The following ACCSL variants were observed in gnomAD, a reference collection of about 807,000 sequenced individuals.
ACCSL encodes probable inactive 1-aminocyclopropane-1-carboxylate synthase-like protein 2.
ACCSL carries 55 observed loss-of-function variants against 61.7 expected under a neutral mutation model. The ratio of observed to expected loss-of-function variants is 0.89; its 90% CI spans 0.72 to 1.12. The LOEUF is 1.12. Among genes scored for constraint, ACCSL ranks in the 50% most tolerant of loss-of-function variants. ACCSL has a pLI of 0.00. For synonymous variants in ACCSL, 258 were observed against 264.3 expected (o/e 0.98, Z 0.23); for missense variants, 632 against 698.0 (o/e 0.91, Z 1.07).
At chr11:44,014,233 T>C in the ACCSL span, among the ~76,000 whole-genome samples, 1 of 152,194 alleles carries the variant, frequency 6.6e-6, no homozygotes, top group Non-Finnish European at 1.5e-5. Context: ...CAAGAGTGGC[T>C]GAGCTGCTGA....
the ACCSL span, among the ~76,000 whole-genome samples, chr11:44,007,273 A>G: frequency 6.6e-6 from 1 of 152,086 alleles, no homozygotes. Context: ...ACTGAATTTT[A>G]TTTGAAATCA....
the ACCSL span, among the ~76,000 whole-genome samples, chr11:44,042,024 A>T: frequency 6.6e-6 from 1 of 152,226 alleles, no homozygotes; most frequent in African/African-American, 2.4e-5. Context: ...TTACATTCTC[A>T]TATAACCCCA....
the ACCSL span, among the ~76,000 whole-genome samples, chr11:43,923,014 A>G: frequency 6.6e-6 from 1 of 152,224 alleles, no homozygotes; most frequent in Non-Finnish European, 1.5e-5. Flanking sequence ...ACAATTCCTG[A>G]TAAGTTTGAG....
the ACCSL span, among the ~76,000 whole-genome samples, chr11:44,013,401 T>C: frequency 6.6e-6 from 1 of 151,974 alleles, no homozygotes; most frequent in African/African-American, 2.4e-5. Flanking sequence ...TGCCTCAGAC[T>C]CCCAAGTAGC....
At chr11:44,030,057 ATTTTTTTTTT>A in the ACCSL span, among the ~76,000 whole-genome samples, 14 of 4,454 alleles carry the variant, frequency 3.1e-3, 1 homozygote, top group South Asian at 6.8e-3. Flanking sequence ...TCTTTGGTTG[ATTTTTTTTTT>A]TTTTTTTTTT....
chr11:43,924,331 C>T, the ACCSL span, among the ~76,000 whole-genome samples: 1 of 152,250 alleles, frequency 6.6e-6, no homozygotes, highest in African/African-American at 2.4e-5. Flanking sequence ...TCCCGTCCCC[C>T]AGCCCTGGCC....
At chr11:43,995,292 A>C in the ACCSL span, 1 of 152,186 alleles carries the variant, frequency 6.6e-6, no homozygotes, top group African/African-American at 2.4e-5. Context: ...ATCCCAACCC[A>C]AGACTCTGAC....
chr11:43,975,864 G>A, the ACCSL span, among the ~76,000 whole-genome samples: 1 of 152,178 alleles, frequency 6.6e-6, no homozygotes, highest in Non-Finnish European at 1.5e-5. Context: ...TTCTTGACAG[G>A]AGTAAGACCG....
chr11:43,955,630 T>C, the ACCSL span, among the ~76,000 whole-genome samples: 339 of 152,202 alleles, frequency 2.2e-3, 1 homozygote, highest in African/African-American at 7.9e-3. Flanking sequence ...TCAGTGGGTC[T>C]GGGTGAAGGT....
At chr11:44,010,966 C>G in the ACCSL span, among the ~76,000 whole-genome samples, 1 of 152,134 alleles carries the variant, frequency 6.6e-6, no homozygotes, top group Non-Finnish European at 1.5e-5. Flanking sequence ...GATGGAAAAG[C>G]TGGGACATAA....
intron 1 of ACCSL, among the ~76,000 whole-genome samples, chr11:44,049,088 A>G (rs772435276): frequency 3.3e-5 from 5 of 152,146 alleles, no homozygotes; most frequent in Admixed American, 6.5e-5. Context: ...GTGCTGTGGC[A>G]GGAGGTGTGA....
the ACCSL span, among the ~76,000 whole-genome samples, chr11:44,003,335 TA>T: frequency 6.6e-6 from 1 of 152,158 alleles, no homozygotes; most frequent in East Asian, 1.9e-4. Flanking sequence ...TAACTATTTT[TA>T]AATGTACAGT....
the ACCSL span, among the ~76,000 whole-genome samples, chr11:44,028,594 C>T: frequency 3.3e-5 from 5 of 152,152 alleles, no homozygotes; most frequent in Non-Finnish European, 7.3e-5. Context: ...GTCATCCCTG[C>T]GTCACCTTCA....
At chr11:44,005,465 T>C in the ACCSL span, among the ~76,000 whole-genome samples, 2 of 152,118 alleles carry the variant, frequency 1.3e-5, no homozygotes, top group African/African-American at 2.4e-5. Flanking sequence ...AGCTTTGTTT[T>C]GCTCCTCGAC....
the ACCSL span, among the ~76,000 whole-genome samples, chr11:43,932,341 C>T: frequency 6.6e-6 from 1 of 152,108 alleles, no homozygotes. Flanking sequence ...AGTCTCAGCT[C>T]ACTGCACCCT....
chr11:43,985,625 C>T, the ACCSL span, among the ~76,000 whole-genome samples: 1 of 152,220 alleles, frequency 6.6e-6, no homozygotes, highest in Non-Finnish European at 1.5e-5. Context: ...TCAGTCTCTG[C>T]CCTTGAGGGG....
At chr11:43,938,204 TG>T in the ACCSL span, among the ~76,000 whole-genome samples, 1,950 of 152,250 alleles carry the variant, frequency 0.013, 33 homozygotes, top group African/African-American at 0.044. Flanking sequence ...GGAGGTTCTC[TG>T]GGGGGGTGAC....
intron 8 of ACCSL, among the ~76,000 whole-genome samples, 173 bp downstream of exon 8, chr11:44,053,679 G>A (rs981502297): frequency 2.0e-5 from 3 of 152,054 alleles, no homozygotes; most frequent in African/African-American, 7.2e-5. Context: ...ATGGCCAACA[G>A]GGTGAAACCT....
the ACCSL span, among the ~76,000 whole-genome samples, chr11:43,998,495 GC>G: frequency 2.0e-5 from 3 of 152,180 alleles, no homozygotes; most frequent in Non-Finnish European, 4.4e-5. Context: ...TGAGGTCTTA[GC>G]CTTGAGGGGC....
Sources: gnomAD v4.1 joint callset for allele counts (sites outside exome capture counted in the v4.1 genomes callset) on GRCh38, gnomAD v4.1.1 for gene constraint, MANE v1.5 for transcripts, NCBI Gene and HGNC (gene_info 2026-07-23, HGNC 2026-07-21) for gene names.